Variants in CRTC1 observed in about 807,000 individuals in gnomAD.
CRTC1 encodes the protein CREB-regulated transcription coactivator 1.
In CRTC1, 18 loss-of-function variants were observed where a neutral mutation model predicts 66.1. The ratio of observed to expected loss-of-function variants is 0.27; its 90% CI spans 0.19 to 0.40. CRTC1 has a LOEUF of 0.40. Ranked by LOEUF, CRTC1 falls within the 10% of genes least tolerant of loss-of-function variation. The pLI is 1.00. For missense variants in CRTC1, 669 were observed against 887.9 expected, an observed-to-expected ratio of 0.75 and a Z score of 3.13; for synonymous variants, 416 against 398.8, an observed-to-expected ratio of 1.04 and a Z score of -0.51.
intron 1 of CRTC1, among the ~76,000 whole-genome samples, chr19:18,697,617 G>A (rs563872467): frequency 1.4e-4 from 21 of 152,206 alleles, no homozygotes; most frequent in Non-Finnish European, 2.8e-4. Context: ...GCCCAACCTG[G>A]GAGGCCCTGC....
In CRTC1 at chr19:18,771,081, C is replaced by T. The variant is rs928262584; in HGVS notation, c.1321-361C>T. On this transcript the variant is annotated intron_variant, in intron 10 of 13. Coordinates refer to ENST00000321949, the MANE Select transcript of CRTC1 (RefSeq NM_015321.3). This position sits in a 1 kb window ranked among gnomAD's most constrained non-coding sequence, Gnocchi z 4.6. The stretch of plus-strand genomic sequence containing the variant: ...ATATTCTAGTGTGGATATGTGTACA[C>T]GTGGGTATGTCTGTGTGGGTGTGCA... Among the ~76,000 whole-genome samples, 2 of 151,054 alleles carry T rather than the reference C, an allele frequency of 1.3e-5. No individual in the cohort carries two copies. Among genetic ancestry groups the T allele is most frequent in the Admixed American group, 6.6e-5 (1 of 15,188 alleles).
At chr19:18,753,446 G>A (rs750579512) in intron 5 of CRTC1, 54 bp from the exon 6 acceptor site, 25 of 1,339,424 alleles carry the variant, frequency 1.9e-5, no homozygotes, top group African/African-American at 4.4e-5. Flanking sequence ...ACCACCATGC[G>A]GCTGCAAAGA....
chr19:18,774,840 G>C, intron 11 of CRTC1, 60 bp from the exon 12 acceptor site: 1 of 1,543,800 alleles, frequency 6.5e-7, no homozygotes, highest in South Asian at 1.1e-5. Flanking sequence ...GGCTTGGGAG[G>C]TGCCGACTTC....
At chr19:18,697,100 G>A (rs2053008850) in intron 1 of CRTC1, among the ~76,000 whole-genome samples, 1 of 152,118 alleles carries the variant, frequency 6.6e-6, no homozygotes, top group Non-Finnish European at 1.5e-5. Context: ...CAGCTGGATG[G>A]GGGTCCAGGT....
intron 1 of CRTC1, among the ~76,000 whole-genome samples, chr19:18,714,885 C>G (rs754852954): frequency 8.5e-5 from 13 of 152,268 alleles, no homozygotes; most frequent in Non-Finnish European, 1.6e-4. Context: ...TCTCCTGCCC[C>G]CACTGGGCTC....
Position 18,768,929 on chromosome 19 carries a change from C to T in CRTC1, c.1320+136C>T, listed in dbSNP as rs997338616. On this transcript the variant is annotated intron_variant, in intron 10 of 13. Transcript: ENST00000321949. The surrounding 1 kb of genome is among the most constrained non-coding windows in gnomAD (Gnocchi z 5.6). ...CAGCGAACGCTGCCTGGGCCCACCT[C>T]TCCACGGGGCTACCCCTTGGAATCA... The T allele has an allele frequency of 4.6e-6, 5 of 1,098,440 alleles. No individual in the cohort carries two copies. The highest frequency in any genetic ancestry group is 6.4e-6 in the Non-Finnish European group (5 of 786,724). The allele number at this position is 1,098,440 out of a possible 1,614,324, so 68.0% of individuals were successfully genotyped here. A position where few individuals can be genotyped will look rare whatever the true frequency, so the allele number is the denominator to read the frequency against.
At chr19:18,735,721 C>T (rs1008939806) in intron 1 of CRTC1, 2 of 152,888 alleles carry the variant, frequency 1.3e-5, no homozygotes, top group Non-Finnish European at 2.9e-5. Context: ...CCTATGAGCT[C>T]CCAGTCCTGG....
chr19:18,749,097 G>A (rs1213023364), intron 4 of CRTC1, among the ~76,000 whole-genome samples: 1 of 152,138 alleles, frequency 6.6e-6, no homozygotes, highest in Non-Finnish European at 1.5e-5. Context: ...GAGCAGATTG[G>A]GTGGCCTTGT....
chr19:18,701,827 G>C (rs868457278), intron 1 of CRTC1, among the ~76,000 whole-genome samples: 1 of 151,300 alleles, frequency 6.6e-6, no homozygotes, highest in African/African-American at 2.4e-5. Context: ...CATGTTGGTC[G>C]GGCAGGTCTC....
chr19:18,693,092 AAAG>A (rs1241352900), intron 1 of CRTC1, among the ~76,000 whole-genome samples: 3 of 148,558 alleles, frequency 2.0e-5, no homozygotes, highest in African/African-American at 7.5e-5. Context: ...AAAAAAAAAA[AAAG>A]AAATTCATTT....
At chr19:18,695,251 C>T (rs867754758) in intron 1 of CRTC1, among the ~76,000 whole-genome samples, 12 of 152,058 alleles carry the variant, frequency 7.9e-5, no homozygotes, top group Non-Finnish European at 1.2e-4. Flanking sequence ...GAGACCTGCC[C>T]GCCTTCGCCT....
chr19:18,752,989 G>A (rs1338439573), intron 5 of CRTC1, among the ~76,000 whole-genome samples: 1 of 151,806 alleles, frequency 6.6e-6, no homozygotes, highest in Non-Finnish European at 1.5e-5. Flanking sequence ...TGATAGGCGG[G>A]GCACGGTGGC....
intron 1 of CRTC1, among the ~76,000 whole-genome samples, chr19:18,709,174 C>T (rs757317): frequency 0.25 from 37,931 of 152,028 alleles, 5,368 homozygotes; most frequent in East Asian, 0.6. Context: ...GGCAGAGCAG[C>T]TGCAGAGGCT....
intron 11 of CRTC1, among the ~76,000 whole-genome samples, chr19:18,774,578 G>C (rs2054940845): frequency 6.6e-6 from 1 of 152,212 alleles, no homozygotes; most frequent in South Asian, 2.1e-4. Flanking sequence ...GGGCCTGTTG[G>C]GTGGGGGTTC....
rs980914958 is a variant in CRTC1 at position 18,760,518 on chromosome 19, C to T, written c.886+290C>T. The stretch of plus-strand genomic sequence containing the variant: ...AGGAGGGAAGCCCTGGGAGTTTTAA[C>T]GCAGCTGGGGTGGGCCAGGCCTTCC... On this transcript the variant is annotated intron_variant, in intron 8 of 13. Coordinates refer to ENST00000321949, the MANE Select transcript of CRTC1 (RefSeq NM_015321.3). This position sits in a 1 kb window ranked among gnomAD's most constrained non-coding sequence, Gnocchi z 6.2. Among the ~76,000 whole-genome samples, 17 of 151,980 alleles carry T rather than the reference C, an allele frequency of 1.1e-4. No homozygotes were observed. The highest frequency in any genetic ancestry group is 1.9e-4 in the African/African-American group (8 of 41,356).
intron 1 of CRTC1, among the ~76,000 whole-genome samples, chr19:18,742,707 C>T (rs565806114): frequency 2.0e-5 from 3 of 152,376 alleles, no homozygotes; most frequent in Non-Finnish European, 4.4e-5. Flanking sequence ...GGGGAGCCGT[C>T]CCGGCACCTC....
chr19:18,703,265 C>T (rs1021546682), intron 1 of CRTC1, among the ~76,000 whole-genome samples: 2 of 151,986 alleles, frequency 1.3e-5, no homozygotes, highest in Non-Finnish European at 2.9e-5. Flanking sequence ...AATCTCCTGA[C>T]CTCGTGATCT....
chr19:18,736,791 G>A lies in CRTC1; in HGVS notation c.127-6119G>A, dbSNP rs984479655. Among the ~76,000 whole-genome samples the A allele has an allele frequency of 6.6e-5, 10 of 152,170 alleles. 1 individual carries two copies. Among genetic ancestry groups the A allele is most frequent in the African/African-American group, 1.9e-4 (8 of 41,438 alleles). On this transcript the variant is annotated intron_variant, in intron 1 of 13. Transcript: ENST00000321949. The stretch of plus-strand genomic sequence containing the variant: ...CACAGGGAGGCCCTGGGTCTGCCAC[G>A]GCTTTGCAGGGCCGAGCTCAGCCAT...
At chr19:18,713,109 C>T (rs140302784) in intron 1 of CRTC1, among the ~76,000 whole-genome samples, 274 of 152,208 alleles carry the variant, frequency 1.8e-3, no homozygotes, top group South Asian at 5.6e-3. Flanking sequence ...CACTATGTGG[C>T]GTTTTGTGTC....
Sources: allele counts gnomAD v4.1 joint callset (sites outside exome capture counted in the v4.1 genomes callset), GRCh38; gene constraint gnomAD v4.1.1; non-coding constraint Gnocchi (gnomAD v3.1); transcripts MANE v1.5; gene names NCBI Gene and HGNC (gene_info 2026-07-23, HGNC 2026-07-21).